Variants in DCX observed in about 807,000 individuals in gnomAD.
DCX encodes neuronal migration protein doublecortin.
In DCX, 4 loss-of-function variants were observed where a neutral mutation model predicts 20.9. That is an observed-to-expected ratio of 0.19 (90% CI 0.09 to 0.44). The LOEUF is 0.44. DCX is among the 20% of genes least tolerant of loss of function. The pLI, the probability that DCX is intolerant of heterozygous loss-of-function variation, is 0.99. For missense variants in DCX, 133 were observed against 296.9 expected (o/e 0.45, Z 4.06); for synonymous variants, 103 against 111.4 (o/e 0.92, Z 0.47).
chrX:111,309,988 T>C (rs542291137), intron 6 of DCX, among the ~76,000 whole-genome samples: 1 of 112,369 alleles, frequency 8.9e-6, no homozygotes, highest in Non-Finnish European at 1.9e-5. Context: ...TACTGACATA[T>C]TGAGGGATAA....
intron 3 of DCX, among the ~76,000 whole-genome samples, chrX:111,387,850 C>T (rs879246858): frequency 1.8e-5 from 2 of 111,607 alleles, no homozygotes; most frequent in South Asian, 3.8e-4. Context: ...TCATGCTGTG[C>T]GAGCCATTCA....
intron 3 of DCX, among the ~76,000 whole-genome samples, chrX:111,334,141 G>C (rs757073338): frequency 8.9e-6 from 1 of 112,406 alleles, no homozygotes; most frequent in African/African-American, 3.2e-5. Flanking sequence ...TGGGTGCAGA[G>C]AGCAATATGT....
chrX:111,325,457 A>G (rs1603414695), intron 5 of DCX, among the ~76,000 whole-genome samples: 1 of 111,745 alleles, frequency 8.9e-6, no homozygotes, highest in Non-Finnish European at 1.9e-5. Context: ...TAGTTCCCCA[A>G]TGAAAAAAAA....
intron 2 of DCX, among the ~76,000 whole-genome samples, chrX:111,409,641 A>G (rs753849869): frequency 3.6e-5 from 4 of 112,046 alleles, no homozygotes; most frequent in Non-Finnish European, 5.6e-5. Context: ...CAGCAGTTCA[A>G]AGAAAATTTG....
intron 5 of DCX, among the ~76,000 whole-genome samples, chrX:111,320,592 CT>C (rs1317085534): frequency 9.0e-6 from 1 of 111,128 alleles, no homozygotes; most frequent in African/African-American, 3.3e-5. Context: ...CATTTCCCTT[CT>C]CAGAACCACA....
intron 3 of DCX, among the ~76,000 whole-genome samples, chrX:111,333,727 A>G (rs747226012): frequency 8.9e-6 from 1 of 112,312 alleles, no homozygotes; most frequent in Non-Finnish European, 1.9e-5. Context: ...CTGTGAAACC[A>G]GAAGAGGAAA....
chrX:111,344,031 A>T (rs1381668997), intron 3 of DCX, among the ~76,000 whole-genome samples: 3 of 111,973 alleles, frequency 2.7e-5, no homozygotes, highest in African/African-American at 9.7e-5. Flanking sequence ...CATCAAAAAA[A>T]CTTATGCATC....
chrX:111,328,101 CAG>C (rs770223523), intron 5 of DCX, among the ~76,000 whole-genome samples: 31 of 112,319 alleles, frequency 2.8e-4, no homozygotes, highest in African/African-American at 1.0e-3. Context: ...TGGTAGGAAA[CAG>C]AGGTTATTTG....
At chrX:111,374,914 G>T in intron 3 of DCX, among the ~76,000 whole-genome samples, 1 of 106,116 alleles carries the variant, frequency 9.4e-6, no homozygotes, top group East Asian at 3.0e-4. Context: ...GCTATTGGCC[G>T]GCATAATACT....
chrX:111,388,267 A>G (rs1388735371), intron 3 of DCX, among the ~76,000 whole-genome samples: 1 of 111,689 alleles, frequency 9.0e-6, no homozygotes, highest in Non-Finnish European at 1.9e-5. Context: ...GATGCTCTGA[A>G]GTCCTGCCTT....
intron 3 of DCX, among the ~76,000 whole-genome samples, chrX:111,392,248 G>A (rs1426088383): frequency 9.0e-6 from 1 of 110,715 alleles, no homozygotes; most frequent in Non-Finnish European, 1.9e-5. Context: ...TTGGTGGTTG[G>A]GGGACAGAAC....
intron 3 of DCX, among the ~76,000 whole-genome samples, chrX:111,356,084 A>G (rs937477725): frequency 2.7e-5 from 3 of 112,427 alleles, no homozygotes; most frequent in Non-Finnish European, 5.6e-5. Context: ...ATCTCAGGAA[A>G]TATAAACCAA....
intron 3 of DCX, among the ~76,000 whole-genome samples, chrX:111,398,266 G>A (rs1569497048): frequency 9.2e-6 from 1 of 108,883 alleles, no homozygotes; most frequent in East Asian, 2.9e-4. Flanking sequence ...TGGGCCATCT[G>A]AGAATCTGTT....
intron 3 of DCX, among the ~76,000 whole-genome samples, chrX:111,398,238 G>A (rs1927491746): frequency 9.1e-6 from 1 of 109,686 alleles, no homozygotes; most frequent in Admixed American, 9.8e-5. Context: ...TGAAAGATGG[G>A]TCCTCAAAAC....
chrX:111,337,747 T>C (rs1921869031), intron 3 of DCX, among the ~76,000 whole-genome samples: 1 of 112,424 alleles, frequency 8.9e-6, no homozygotes, highest in African/African-American at 3.2e-5. Context: ...CACTTTTAAC[T>C]TGTAAAATAC....
chrX:111,302,947 C>A (rs1421943523), intron 6 of DCX, among the ~76,000 whole-genome samples: 1 of 111,705 alleles, frequency 9.0e-6, no homozygotes, highest in Non-Finnish European at 1.9e-5. Context: ...TTTGGCAGAG[C>A]AAACATTTTT....
intron 3 of DCX, among the ~76,000 whole-genome samples, chrX:111,390,136 G>T (rs7056187): frequency 1.8e-5 from 2 of 111,748 alleles, no homozygotes; most frequent in African/African-American, 6.5e-5. Context: ...TCTGATGTAC[G>T]TTGTTGGCTT....
At chrX:111,390,144 C>T (rs1441973044) in intron 3 of DCX, among the ~76,000 whole-genome samples, 2 of 111,543 alleles carry the variant, frequency 1.8e-5, no homozygotes, top group African/African-American at 6.5e-5. Context: ...ACGTTGTTGG[C>T]TTGAAAATGG....
At chrX:111,316,101 A>T (rs1437091080) in intron 5 of DCX, among the ~76,000 whole-genome samples, 2 of 102,899 alleles carry the variant, frequency 1.9e-5, no homozygotes, top group East Asian at 5.8e-4. Flanking sequence ...AAAAAAAAAA[A>T]AAAAAAAAAT....
Sources: allele counts gnomAD v4.1 joint callset (sites outside exome capture counted in the v4.1 genomes callset), GRCh38; gene constraint gnomAD v4.1.1; transcripts MANE v1.5; gene names NCBI Gene and HGNC (gene_info 2026-07-23, HGNC 2026-07-21).